Variants in PDE8B observed in about 807,000 individuals in gnomAD.
PDE8B encodes the protein phosphodiesterase 8B.
In PDE8B, 26 loss-of-function variants were observed where a neutral mutation model predicts 101.3. The ratio of observed to expected loss-of-function variants is 0.26; its 90% confidence interval spans 0.19 to 0.36. PDE8B has a LOEUF of 0.36. PDE8B is among the 10% of genes least tolerant of loss of function. PDE8B has a pLI of 1.00. For missense variants in PDE8B, 810 were observed against 1,163.1 expected (o/e 0.70, Z 4.42); for synonymous variants, 424 against 429.3 (o/e 0.99, Z 0.15).
the PDE8B span, among the ~76,000 whole-genome samples, chr5:77,106,798 A>G: frequency 6.6e-6 from 1 of 152,158 alleles, no homozygotes; most frequent in Non-Finnish European, 1.5e-5. Context: ...TTTTCAGTGT[A>G]CAGATCTTAC....
intron 1 of PDE8B, among the ~76,000 whole-genome samples, chr5:77,294,831 AAT>A (rs1375547380): frequency 1.1e-4 from 17 of 148,626 alleles, no homozygotes. Context: ...GAGCTCCACA[AAT>A]ATATGATGAT....
At chr5:77,421,320 T>C (rs995059447) in intron 19 of PDE8B, among the ~76,000 whole-genome samples, 3 of 152,008 alleles carry the variant, frequency 2.0e-5, no homozygotes, top group African/African-American at 4.8e-5. Flanking sequence ...GGACAGGTCA[T>C]AGGAGGGAGG....
chr5:77,239,612 A>G (rs1310288976), intron 1 of PDE8B, among the ~76,000 whole-genome samples: 1 of 152,248 alleles, frequency 6.6e-6, no homozygotes. Context: ...TTTAGTGTGG[A>G]AAATAACATC....
chr5:77,322,029 C>T (rs1355801897), intron 2 of PDE8B, among the ~76,000 whole-genome samples: 1 of 152,174 alleles, frequency 6.6e-6, no homozygotes, highest in Admixed American at 6.5e-5. Context: ...GGGCAAGAGC[C>T]TCCACTGTGG....
intron 1 of PDE8B, among the ~76,000 whole-genome samples, chr5:77,216,174 G>A (rs1429975434): frequency 1.3e-5 from 2 of 152,140 alleles, no homozygotes; most frequent in East Asian, 3.8e-4. Flanking sequence ...CAGGATGAAG[G>A]AAAGACAACA....
the PDE8B span, among the ~76,000 whole-genome samples, chr5:77,172,141 G>T: frequency 2.0e-5 from 3 of 152,176 alleles, no homozygotes; most frequent in African/African-American, 4.8e-5. Context: ...GCGTGGATGG[G>T]GAAGAAGCCT....
chr5:77,370,126 TATC>T (rs1184114165), intron 10 of PDE8B, among the ~76,000 whole-genome samples: 2 of 152,222 alleles, frequency 1.3e-5, no homozygotes, highest in African/African-American at 4.8e-5. Flanking sequence ...TTAGCGTGCA[TATC>T]ATTAGCAACA....
At chr5:77,130,433 G>A in the PDE8B span, among the ~76,000 whole-genome samples, 13 of 152,020 alleles carry the variant, frequency 8.6e-5, no homozygotes, top group Admixed American at 3.9e-4. Context: ...ACTTCGGGGC[G>A]GGGAGGGGAG....
At chr5:77,386,415 T>A (rs1446534664) in intron 10 of PDE8B, among the ~76,000 whole-genome samples, 1 of 152,154 alleles carries the variant, frequency 6.6e-6, no homozygotes, top group African/African-American at 2.4e-5. Context: ...GGAGTCTAAG[T>A]CTCTTTGTAG....
rs557952617 is a variant in PDE8B, at chr5:77,371,085, G to A, written c.1167+17679G>A. On this transcript the variant is annotated intron_variant, in intron 10 of 21. Transcript: ENST00000264917. ...TTGCTCATATGTACTTTCACTCTGT[G>A]AGTTTCCTATTCATTTAACAGTATA... 2.0e-5 allele frequency among the ~76,000 whole-genome samples: 3 copies of A among 152,274 alleles called. No individual in the cohort carries two copies. The South Asian group carries it at 6.2e-4, about 32-fold the overall frequency.
At chr5:77,182,889 T>C in the PDE8B span, among the ~76,000 whole-genome samples, 19 of 151,806 alleles carry the variant, frequency 1.3e-4, no homozygotes, top group African/African-American at 4.6e-4. Flanking sequence ...TTAATTTAGC[T>C]TTAGGAAGGG....
chr5:77,087,364 T>G, the PDE8B span: 2 of 152,074 alleles, frequency 1.3e-5, no homozygotes, highest in African/African-American at 4.8e-5. Context: ...TTGGCCAGGG[T>G]TTTAAGATGA....
the PDE8B span, among the ~76,000 whole-genome samples, chr5:77,137,553 G>T: frequency 7.2e-5 from 11 of 152,262 alleles, no homozygotes; most frequent in Middle Eastern, 3.4e-3. Flanking sequence ...TGTCAGATCC[G>T]CCTTGATGCC....
At chr5:77,197,871 T>G in the PDE8B span, among the ~76,000 whole-genome samples, 5 of 136,908 alleles carry the variant, frequency 3.7e-5, no homozygotes, top group African/African-American at 1.5e-4. Flanking sequence ...TCCATTTCTC[T>G]TCTCACAATG....
At chr5:77,177,551 T>C in the PDE8B span, among the ~76,000 whole-genome samples, 5 of 152,264 alleles carry the variant, frequency 3.3e-5, no homozygotes, top group Admixed American at 3.3e-4. Flanking sequence ...TTTCTTTCCT[T>C]ATTAAGTCAA....
At chr5:77,309,393 C>T (rs1000875098) in intron 1 of PDE8B, among the ~76,000 whole-genome samples, 21 of 152,104 alleles carry the variant, frequency 1.4e-4, no homozygotes, top group African/African-American at 5.1e-4. Flanking sequence ...CAATGCGAGT[C>T]ACTTTTTATT....
Position 77,418,476 on chromosome 5 carries a change from G to C in PDE8B, c.2129+30G>C, listed in dbSNP as rs529919755. 1.4e-5 allele frequency: 21 copies of C among 1,517,098 alleles called. No individual in the cohort carries two copies. In the Admixed American group the frequency reaches 3.5e-4, roughly 25 times the overall value. 94.0% of individuals were successfully genotyped at this position (1,517,098 alleles called of 1,614,324 possible). A position where few individuals can be genotyped will look rare whatever the true frequency, so the allele number is the denominator to read the frequency against. ...GTTGTGCTGGGGCTCCTGTGCTCAA[G>C]TTTGTGAAGTTTAAGTGGTTTTCCC... On this transcript the variant is annotated intron_variant, in intron 18 of 21. Transcript: ENST00000264917.
rs184375747 is a variant in PDE8B, at chr5:77,400,355, T to C, written c.1210+65T>C. The C allele has an allele frequency of 5.8e-6, 6 of 1,029,744 alleles. No individual in the cohort carries two copies. In the Admixed American group the frequency reaches 1.0e-4, roughly 17 times the overall value. The allele number at this position is 1,029,744 out of a possible 1,614,324, so 63.8% of individuals were successfully genotyped here. The stretch of plus-strand genomic sequence containing the variant: ...CAGCTGTGGGTTCAAATGTATACAT[T>C]TCTCTGAAGAAGTCTAAGTTGACAT... On this transcript the variant is annotated intron_variant, in intron 11 of 21. Transcript: ENST00000264917.
intron 10 of PDE8B, among the ~76,000 whole-genome samples, chr5:77,396,067 C>G (rs1428048413): frequency 6.6e-5 from 10 of 152,256 alleles, no homozygotes; most frequent in Non-Finnish European, 1.3e-4. Context: ...TGTTTTACCA[C>G]TCTGCAGCAT....
Sources: allele counts gnomAD v4.1 joint callset (sites outside exome capture counted in the v4.1 genomes callset), GRCh38; gene constraint gnomAD v4.1.1; transcripts MANE v1.5; gene names NCBI Gene and HGNC (gene_info 2026-07-23, HGNC 2026-07-21).